CTIF: variants seen among roughly 807,000 people sequenced by gnomAD.
The protein encoded by CTIF is CBP80/20-dependent translation initiation factor.
CTIF carries 21 observed loss-of-function variants against 66.0 expected under a neutral mutation model. The ratio of observed to expected loss-of-function variants is 0.32; its 90% CI spans 0.23 to 0.46. The LOEUF is 0.46. Among genes scored for constraint, CTIF ranks in the 20% least tolerant of loss-of-function variants. CTIF has a pLI of 1.00. For missense variants in CTIF, 739 were observed against 812.7 expected (o/e 0.91, Z 1.10); for synonymous variants, 345 against 326.4 (o/e 1.06, Z -0.62).
At chr18:48,699,874 A>G (rs1361732781) in intron 6 of CTIF, among the ~76,000 whole-genome samples, 7 of 152,234 alleles carry the variant, frequency 4.6e-5, no homozygotes, top group Admixed American at 4.6e-4. Context: ...GCATCTAGCC[A>G]AAACGTTTGA....
chr18:48,602,850 A>AATGGATGGATGG lies in CTIF; in HGVS notation c.-28-16661_-28-16650dup, dbSNP rs60224766. Among the ~76,000 whole-genome samples the AATGGATGGATGG allele has an allele frequency of 6.2e-4, 89 of 142,668 alleles. 1 individual carries two copies. Among genetic ancestry groups the AATGGATGGATGG allele is most frequent in the African/African-American group, 2.1e-3 (79 of 38,380 alleles). The allele number at this position is 142,668 out of a possible 152,430, so 93.6% of individuals were successfully genotyped here. On this transcript the variant is annotated intron_variant, in intron 1 of 11. Coordinates refer to ENST00000256413, the MANE Select transcript of CTIF (RefSeq NM_014772.3). Reference sequence around the variant, plus strand: ...GGATGAATGGATGGATGGATGGATGAATGGATGGATGGATGGATGGATGGA... The same window carrying AATGGATGGATGG: ...GGATGAATGGATGGATGGATGGATGAATGGATGGATGGATGGATGGATGGATGGATGGATGGA...
intron 6 of CTIF, among the ~76,000 whole-genome samples, chr18:48,674,278 C>T (rs1279095672): frequency 6.6e-6 from 1 of 152,260 alleles, no homozygotes; most frequent in African/African-American, 2.4e-5. Context: ...GTGCCTTGCC[C>T]AGGTCACAGT....
intron 7 of CTIF, chr18:48,755,556 C>T (rs1268044075): frequency 6.6e-6 from 1 of 152,246 alleles, no homozygotes; most frequent in East Asian, 1.9e-4. Context: ...TAGCTCCTAC[C>T]TGCCATGGGG....
chr18:48,602,034 G>A (rs572181177), intron 1 of CTIF, among the ~76,000 whole-genome samples: 2 of 152,284 alleles, frequency 1.3e-5, no homozygotes, highest in East Asian at 3.9e-4. Flanking sequence ...TCTTACTATC[G>A]CTGGCATAGC....
chr18:48,817,775 CA>C (rs112155073), intron 10 of CTIF, among the ~76,000 whole-genome samples: 33,361 of 137,030 alleles, frequency 0.24, 4,195 homozygotes, highest in African/African-American at 0.37. Context: ...ACTCGGTCTC[CA>C]AAAAAAAAAA....
chr18:48,779,513 A>T (rs528798250), intron 9 of CTIF, among the ~76,000 whole-genome samples: 97 of 152,256 alleles, frequency 6.4e-4, no homozygotes, highest in Non-Finnish European at 1.2e-3. Flanking sequence ...GGCTGAGGAG[A>T]GGTGACAGGG....
intron 9 of CTIF, among the ~76,000 whole-genome samples, chr18:48,778,831 C>T (rs1910941761): frequency 6.6e-6 from 1 of 152,190 alleles, no homozygotes; most frequent in Non-Finnish European, 1.5e-5. Flanking sequence ...CTCACTAGCA[C>T]CGCATCGGGA....
At chr18:48,659,852 G>A (rs2091311531) in intron 3 of CTIF, among the ~76,000 whole-genome samples, 1 of 152,250 alleles carries the variant, frequency 6.6e-6, no homozygotes, top group South Asian at 2.1e-4. Context: ...AAGAAATACG[G>A]TGTGTACTGG....
At chr18:48,717,426 T>A (rs547593839) in intron 7 of CTIF, among the ~76,000 whole-genome samples, 100 of 150,178 alleles carry the variant, frequency 6.7e-4, no homozygotes, top group African/African-American at 2.3e-3. Flanking sequence ...AATAAATAAA[T>A]AAATAAATAA....
chr18:48,625,499 TC>T (rs1168677549), intron 2 of CTIF, among the ~76,000 whole-genome samples: 4 of 152,226 alleles, frequency 2.6e-5, no homozygotes, highest in Admixed American at 2.6e-4. Context: ...CTCATTCTGC[TC>T]CCTTACTCCT....
chr18:48,840,162 A>G (rs1457974933), intron 10 of CTIF, among the ~76,000 whole-genome samples: 2 of 152,222 alleles, frequency 1.3e-5, no homozygotes, highest in East Asian at 1.9e-4. Context: ...CAAGATCAGA[A>G]AAGGCATGCT....
intron 1 of CTIF, among the ~76,000 whole-genome samples, chr18:48,587,003 G>A (rs1374934732): frequency 6.6e-6 from 1 of 151,390 alleles, no homozygotes; most frequent in Non-Finnish European, 1.5e-5. Flanking sequence ...CCCCTGTTCA[G>A]AACACAGCTG....
At chr18:48,722,277 A>G (rs2092345655) in intron 7 of CTIF, among the ~76,000 whole-genome samples, 1 of 145,014 alleles carries the variant, frequency 6.9e-6, no homozygotes, top group Non-Finnish European at 1.5e-5. Context: ...TTGCAGTGGC[A>G]CAATTATAGC....
chr18:48,786,262 A>G (rs1436706674), intron 9 of CTIF, among the ~76,000 whole-genome samples: 1 of 152,154 alleles, frequency 6.6e-6, no homozygotes, highest in Non-Finnish European at 1.5e-5. Flanking sequence ...CTCCCAAGTC[A>G]CGATTGGTCC....
chr18:48,670,092 C>T (rs553190038), intron 5 of CTIF, among the ~76,000 whole-genome samples: 4 of 151,882 alleles, frequency 2.6e-5, no homozygotes, highest in South Asian at 2.1e-4. Flanking sequence ...AGTCTGGTTT[C>T]GGAATCTGCA....
intron 10 of CTIF, among the ~76,000 whole-genome samples, chr18:48,830,866 T>C (rs2068677766): frequency 6.6e-6 from 1 of 152,160 alleles, no homozygotes; most frequent in African/African-American, 2.4e-5. Context: ...TCAACTAGCA[T>C]GGAAACTCTC....
intron 1 of CTIF, among the ~76,000 whole-genome samples, chr18:48,588,895 TCCTCA>T (rs200828999): frequency 0.068 from 10,317 of 152,188 alleles, 395 homozygotes; most frequent in African/African-American, 0.1. Context: ...TTCTGCCACC[TCCTCA>T]GCCACACAGT....
At chr18:48,776,024 G>A (rs1199053661) in intron 9 of CTIF, among the ~76,000 whole-genome samples, 1 of 152,238 alleles carries the variant, frequency 6.6e-6, no homozygotes, top group African/African-American at 2.4e-5. Flanking sequence ...TACCTCAAGA[G>A]GCGTGAGTTT....
intron 10 of CTIF, among the ~76,000 whole-genome samples, chr18:48,819,712 A>G (rs1328620282): frequency 6.6e-6 from 1 of 152,246 alleles, no homozygotes; most frequent in Admixed American, 6.5e-5. Flanking sequence ...TGAAGAATAA[A>G]TAAATCACCT....
Sources: allele counts gnomAD v4.1 joint callset (sites outside exome capture counted in the v4.1 genomes callset), GRCh38; gene constraint gnomAD v4.1.1; transcripts MANE v1.5; gene names NCBI Gene and HGNC (gene_info 2026-07-23, HGNC 2026-07-21).